ARL15: variants seen among roughly 807,000 people sequenced by gnomAD.
The protein encoded by ARL15 is ADP-ribosylation factor-like protein 15.
In ARL15, 19 loss-of-function variants were observed where a neutral mutation model predicts 25.2. The ratio of observed to expected loss-of-function variants is 0.75; its 90% CI spans 0.53 to 1.10. The LOEUF is 1.10. ARL15 is among the 50% of genes least tolerant of loss of function. The pLI is 0.00. For synonymous variants in ARL15, 94 were observed against 86.8 expected, an observed-to-expected ratio of 1.08 and a Z score of -0.46; for missense variants, 220 against 246.0, an observed-to-expected ratio of 0.89 and a Z score of 0.71.
At chr5:53,902,510 C>T (rs1745100127) in intron 4 of ARL15, among the ~76,000 whole-genome samples, 1 of 152,182 alleles carries the variant, frequency 6.6e-6, no homozygotes, top group Non-Finnish European at 1.5e-5. Context: ...AATCTTGCAG[C>T]TGTCGGGTAT....
intron 1 of ARL15, among the ~76,000 whole-genome samples, chr5:54,295,588 T>A (rs547715032): frequency 6.6e-6 from 1 of 151,868 alleles, no homozygotes; most frequent in Non-Finnish European, 1.5e-5. Flanking sequence ...TCCCAAAAAA[T>A]TATAGGAAAA....
intron 1 of ARL15, among the ~76,000 whole-genome samples, chr5:54,232,837 C>T (rs1160927638): frequency 6.6e-6 from 1 of 152,192 alleles, no homozygotes; most frequent in African/African-American, 2.4e-5. Flanking sequence ...CCTCATACAC[C>T]ATCCTTGTTT....
At chr5:54,241,436 C>T (rs376762898) in intron 1 of ARL15, among the ~76,000 whole-genome samples, 1 of 152,010 alleles carries the variant, frequency 6.6e-6, no homozygotes, top group Admixed American at 6.6e-5. Flanking sequence ...ATATACTCAG[C>T]CTTTTTGTCT....
intron 4 of ARL15, among the ~76,000 whole-genome samples, chr5:53,913,324 G>A (rs1240476247): frequency 6.6e-6 from 1 of 152,084 alleles, no homozygotes; most frequent in Non-Finnish European, 1.5e-5. Context: ...ACAAAGCAGG[G>A]TTGTCATCTC....
At chr5:53,964,188 C>A (rs990166008) in intron 4 of ARL15, among the ~76,000 whole-genome samples, 3 of 152,038 alleles carry the variant, frequency 2.0e-5, no homozygotes, top group Non-Finnish European at 4.4e-5. Context: ...ATTTGTCATC[C>A]CTTTTACAGA....
At chr5:54,126,828 AT>A (rs993660603) in intron 3 of ARL15, among the ~76,000 whole-genome samples, 2 of 151,700 alleles carry the variant, frequency 1.3e-5, no homozygotes, top group East Asian at 1.9e-4. Context: ...AAATTTTTGT[AT>A]TTTTTTAATT....
intron 4 of ARL15, among the ~76,000 whole-genome samples, chr5:53,984,756 A>T (rs1217415664): frequency 1.3e-5 from 2 of 152,040 alleles, no homozygotes; most frequent in East Asian, 3.9e-4. Flanking sequence ...AGGTTAGATT[A>T]TTCTGCCTTC....
chr5:53,922,421 G>A (rs894267350), intron 4 of ARL15, among the ~76,000 whole-genome samples: 3 of 152,192 alleles, frequency 2.0e-5, no homozygotes, highest in Admixed American at 6.5e-5. Flanking sequence ...GACAATGACT[G>A]TATCAGCTTT....
intron 4 of ARL15, among the ~76,000 whole-genome samples, chr5:54,087,480 A>T (rs1384619694): frequency 2.0e-5 from 3 of 152,168 alleles, no homozygotes; most frequent in Non-Finnish European, 4.4e-5. Flanking sequence ...AATCAAAAGC[A>T]TGTCATGGTT....
intron 4 of ARL15, among the ~76,000 whole-genome samples, chr5:53,935,149 A>G (rs1047305506): frequency 6.6e-6 from 1 of 152,216 alleles, no homozygotes; most frequent in Admixed American, 6.5e-5. Context: ...AAATCAATAA[A>G]TGAATGTAAA....
At chr5:54,126,828 A>AT (rs993660603) in intron 3 of ARL15, among the ~76,000 whole-genome samples, 5 of 151,700 alleles carry the variant, frequency 3.3e-5, no homozygotes, top group Non-Finnish European at 7.4e-5. Context: ...AAATTTTTGT[A>AT]TTTTTTTAAT....
At chr5:54,118,103 A>G (rs1579816723) in intron 3 of ARL15, among the ~76,000 whole-genome samples, 1 of 152,338 alleles carries the variant, frequency 6.6e-6, no homozygotes, top group East Asian at 1.9e-4. Context: ...ATGCAAGTTA[A>G]TTAACTGAGT....
chr5:54,258,150 G>T (rs902021952), intron 1 of ARL15, among the ~76,000 whole-genome samples: 1 of 145,522 alleles, frequency 6.9e-6, no homozygotes, highest in African/African-American at 2.6e-5. Flanking sequence ...GGGCAACATA[G>T]TTAAGACTTT....
intron 3 of ARL15, among the ~76,000 whole-genome samples, chr5:54,115,450 T>A: frequency 6.6e-6 from 1 of 151,864 alleles, no homozygotes; most frequent in Non-Finnish European, 1.5e-5. Context: ...CTTGGGGCGG[T>A]GGGGGTAAAT....
At chr5:54,260,290 C>T (rs1161062430) in intron 1 of ARL15, among the ~76,000 whole-genome samples, 4 of 152,142 alleles carry the variant, frequency 2.6e-5, no homozygotes, top group Non-Finnish European at 5.9e-5. Context: ...AAGGAAGAAC[C>T]AGGGTAGATG....
chr5:53,996,951 G>A (rs1748698259), intron 4 of ARL15, among the ~76,000 whole-genome samples: 1 of 152,210 alleles, frequency 6.6e-6, no homozygotes, highest in South Asian at 2.1e-4. Context: ...GGAAGAAAGA[G>A]TTCAGAGATG....
At chr5:54,128,514 C>T (rs1362944343) in intron 3 of ARL15, among the ~76,000 whole-genome samples, 1 of 152,106 alleles carries the variant, frequency 6.6e-6, no homozygotes, top group African/African-American at 2.4e-5. Flanking sequence ...TATTGAGTAG[C>T]TTCTATGTAT....
At chr5:53,940,242 G>A (rs80092084) in intron 4 of ARL15, among the ~76,000 whole-genome samples, 13,240 of 151,978 alleles carry the variant, frequency 0.087, 917 homozygotes, top group East Asian at 0.35. Context: ...CAAAGTGCTG[G>A]GATTACAGGC....
intron 4 of ARL15, among the ~76,000 whole-genome samples, chr5:53,943,054 A>G (rs1746597698): frequency 6.6e-6 from 1 of 152,154 alleles, no homozygotes. Flanking sequence ...GAGCTTCACG[A>G]TAAGTGTGTG....
Sources: gnomAD v4.1 joint callset for allele counts (sites outside exome capture counted in the v4.1 genomes callset) on GRCh38, gnomAD v4.1.1 for gene constraint, MANE v1.5 for transcripts, NCBI Gene and HGNC (gene_info 2026-07-23, HGNC 2026-07-21) for gene names.